Variants in DDX31 observed in about 807,000 individuals in gnomAD.
DDX31 encodes the protein ATP-dependent DNA helicase DDX31.
Under a neutral mutation model 91.3 loss-of-function variants are expected in DDX31, and 70 were observed. That is an observed-to-expected ratio of 0.77 (90% CI 0.63 to 0.94). DDX31 has a LOEUF of 0.94. DDX31 is among the 40% of genes least tolerant of loss of function. The pLI is 0.00. For synonymous variants in DDX31, 362 were observed against 350.6 expected, an observed-to-expected ratio of 1.03 and a Z score of -0.36; for missense variants, 902 against 925.0, an observed-to-expected ratio of 0.98 and a Z score of 0.32.
At chr9:132,644,634 T>C (rs1833706233) in intron 13 of DDX31, among the ~76,000 whole-genome samples, 1 of 152,208 alleles carries the variant, frequency 6.6e-6, no homozygotes, top group Non-Finnish European at 1.5e-5. Context: ...TTACAGCGAA[T>C]TCCTAGACCA....
intron 1 of DDX31, chr9:132,669,520 A>C: frequency 2.5e-5 from 33 of 1,336,834 alleles, no homozygotes; most frequent in East Asian, 3.8e-5. Context: ...AAACTGGCTT[A>C]GAGAAGTTAA....
At position 132,659,027 on chromosome 9, in the gene DDX31, T is replaced by C. The variant is rs561287237; in HGVS notation, c.524-292A>G. On this transcript the variant is annotated intron_variant, in intron 5 of 19. Coordinates refer to ENST00000372159, the MANE Select transcript of DDX31 (RefSeq NM_022779.9). ...TCCCAAATTACACAGAAGCTCAACTTGATGGCTGTCTGTAGGAGCCAGAAA... is the reference window on the plus strand; with the variant it reads ...TCCCAAATTACACAGAAGCTCAACTCGATGGCTGTCTGTAGGAGCCAGAAA... Among the ~76,000 whole-genome samples the C allele has an allele frequency of 4.6e-5, 7 of 152,338 alleles. No homozygotes were observed. The South Asian group carries it at 1.5e-3, about 32-fold the overall frequency.
chr9:132,657,223 G>A (rs749798030), intron 6 of DDX31, among the ~76,000 whole-genome samples: 3 of 152,256 alleles, frequency 2.0e-5, no homozygotes, highest in Middle Eastern at 6.8e-3. Flanking sequence ...GGGTTTAACT[G>A]ATTTTTAAAA....
intron 6 of DDX31, among the ~76,000 whole-genome samples, chr9:132,655,355 C>G (rs886570839): frequency 6.6e-6 from 1 of 152,108 alleles, no homozygotes; most frequent in Non-Finnish European, 1.5e-5. Flanking sequence ...CAAAACACAT[C>G]AAAGAAACCA....
At chr9:132,666,272 A>G (rs546360663) in intron 1 of DDX31, among the ~76,000 whole-genome samples, 2 of 152,180 alleles carry the variant, frequency 1.3e-5, no homozygotes, top group Non-Finnish European at 2.9e-5. Flanking sequence ...TTGCTGGTCA[A>G]TTTGTACAGT....
Position 132,659,723 on chromosome 9 carries a change from GGATCTCACGA to G in DDX31, c.500_509del (p.Leu167ProfsTer43). The G allele has an allele frequency of 6.2e-7, 1 of 1,611,440 alleles. No homozygotes were observed. Among genetic ancestry groups the G allele is most frequent in the Non-Finnish European group, 8.5e-7 (1 of 1,178,690 alleles). On this transcript the variant is annotated frameshift_variant, in exon 5 of 20. Coordinates refer to ENST00000372159, the MANE Select transcript of DDX31 (RefSeq NM_022779.9). LOFTEE classifies it high-confidence loss of function. ...AATGAGACTAACCTGAGCCCGTCTGGGATCTCACGAGAGCATCTCTGCCTTCCAGCAACAC... is the reference window on the plus strand; with the variant it reads ...AATGAGACTAACCTGAGCCCGTCTGGGAGCATCTCTGCCTTCCAGCAACAC...
intron 19 of DDX31, among the ~76,000 whole-genome samples, chr9:132,597,519 A>C (rs1830500611): frequency 1.3e-5 from 2 of 152,382 alleles, no homozygotes; most frequent in South Asian, 4.1e-4. Flanking sequence ...AATTTCAGTC[A>C]AAATATGCTC....
intron 1 of DDX31, 55 bp downstream of exon 1, chr9:132,669,805 G>A (rs1315992365): frequency 4.6e-6 from 7 of 1,524,308 alleles, no homozygotes; most frequent in Non-Finnish European, 5.3e-6. Flanking sequence ...AGCTCGCGGC[G>A]CGCCCACAGC....
intron 17 of DDX31, among the ~76,000 whole-genome samples, chr9:132,619,288 C>T (rs1831848128): frequency 6.6e-6 from 1 of 152,142 alleles, no homozygotes; most frequent in Admixed American, 6.5e-5. Context: ...AATGTGAAAT[C>T]AAGAGAACAC....
chr9:132,643,935 C>T (rs931817434), intron 13 of DDX31, among the ~76,000 whole-genome samples: 54 of 151,128 alleles, frequency 3.6e-4, no homozygotes, highest in African/African-American at 1.2e-3. Context: ...AAAAAAAAAA[C>T]CTACCAAACT....
intron 19 of DDX31, among the ~76,000 whole-genome samples, chr9:132,611,173 T>C (rs1400318977): frequency 6.6e-6 from 1 of 152,064 alleles, no homozygotes; most frequent in Non-Finnish European, 1.5e-5. Context: ...CGTTTGTAAA[T>C]TAACGTGGAA....
At position 132,648,186 on chromosome 9, in the gene DDX31, C is replaced by G. The variant is rs141698809; in HGVS notation, c.967+3G>C. 2.0e-5 allele frequency: 32 copies of G among 1,609,294 alleles called. No homozygotes were observed. In the Middle Eastern group the frequency reaches 1.1e-3, roughly 53 times the overall value. ...AAGGACCCATCACTTCTTTTCAACT[C>G]ACCTTCTGTGAGTGTCGCTGATAGC... On this transcript the variant is annotated splice_donor_region_variant and intron_variant, in intron 11 of 19. Coordinates refer to ENST00000372159, the MANE Select transcript of DDX31 (RefSeq NM_022779.9).
At chr9:132,644,877 T>C (rs1190951468) in intron 13 of DDX31, among the ~76,000 whole-genome samples, 1 of 152,244 alleles carries the variant, frequency 6.6e-6, no homozygotes, top group African/African-American at 2.4e-5. Context: ...GGGATTTCTA[T>C]ATAATCTTGT....
chr9:132,615,401 G>A (rs532142636), intron 18 of DDX31, among the ~76,000 whole-genome samples: 1 of 152,178 alleles, frequency 6.6e-6, no homozygotes, highest in South Asian at 2.1e-4. Context: ...AAAGGCACAC[G>A]CATCTTCAAG....
chr9:132,642,112 A>G (rs1349437122), intron 13 of DDX31, 49 bp from the exon 14 acceptor site: 1 of 1,559,282 alleles, frequency 6.4e-7, no homozygotes, highest in Non-Finnish European at 8.8e-7. Flanking sequence ...GACAAACTCC[A>G]GCAAGGTAGG....
At chr9:132,622,579 T>G (rs1162817481) in intron 17 of DDX31, among the ~76,000 whole-genome samples, 1 of 152,186 alleles carries the variant, frequency 6.6e-6, no homozygotes, top group Non-Finnish European at 1.5e-5. Flanking sequence ...TGATCTGCAC[T>G]CGGGGATAAA....
At position 132,668,032 on chromosome 9, in the gene DDX31, A is replaced by T. The variant is rs77414577; in HGVS notation, c.75+1828T>A. ...AGAGCTAGTGTGCAGCAAGGGCAGC[A>T]TCCGAATCCCAAGTGTATCCTATTC... On this transcript the variant is annotated intron_variant, in intron 1 of 19. Coordinates refer to ENST00000372159, the MANE Select transcript of DDX31 (RefSeq NM_022779.9). 6.8e-3 allele frequency among the ~76,000 whole-genome samples: 1,036 copies of T among 152,300 alleles called. 11 individuals carry two copies. The highest frequency in any genetic ancestry group is 0.024 in the African/African-American group (999 of 41,556).
intron 6 of DDX31, among the ~76,000 whole-genome samples, chr9:132,654,407 T>TA (rs1263991297): frequency 2.6e-5 from 4 of 152,028 alleles, no homozygotes; most frequent in African/African-American, 9.7e-5. Context: ...GGTCAGGAGT[T>TA]AGAGACCAGC....
chr9:132,597,957 A>G (rs1447795214), intron 19 of DDX31, among the ~76,000 whole-genome samples: 1 of 152,188 alleles, frequency 6.6e-6, no homozygotes, highest in East Asian at 1.9e-4. Flanking sequence ...GCCTTCAGTT[A>G]TCATCACCAC....
Sources: gnomAD v4.1 joint callset for allele counts (sites outside exome capture counted in the v4.1 genomes callset) on GRCh38, gnomAD v4.1.1 for gene constraint, MANE v1.5 for transcripts, NCBI Gene and HGNC (gene_info 2026-07-23, HGNC 2026-07-21) for gene names.